The following MIB1 variants were observed in gnomAD, a reference collection of about 807,000 sequenced individuals.
The protein encoded by MIB1 is E3 ubiquitin-protein ligase MIB1.
MIB1 carries 278 observed loss-of-function variants against 124.5 expected under a neutral mutation model. The observed-to-expected ratio is 2.23, with a 90% CI of 2.02 to 2.47. The LOEUF is 2.47. Among genes scored for constraint, MIB1 ranks in the 30% most tolerant of loss-of-function variants. The probability of loss-of-function intolerance (pLI) is 0.00; values close to 1 mark genes in which losing one functional copy is unlikely to be tolerated. For synonymous variants in MIB1, 446 were observed against 429.4 expected (o/e 1.04, Z -0.48); for missense variants, 957 against 1,254.4 (o/e 0.76, Z 3.58).
chr18:21,806,673 TGTA>T (rs2041711212), intron 10 of MIB1, among the ~76,000 whole-genome samples: 1 of 150,034 alleles, frequency 6.7e-6, no homozygotes, highest in Non-Finnish European at 1.5e-5. Context: ...CAGGCTGGAG[TGTA>T]GTAGTAGCGC....
At chr18:21,837,324 C>T (rs2042042681) in intron 12 of MIB1, among the ~76,000 whole-genome samples, 1 of 152,162 alleles carries the variant, frequency 6.6e-6, no homozygotes, top group Non-Finnish European at 1.5e-5. Context: ...CTGGCTAACA[C>T]GGTGAAACCC....
At chr18:21,707,420 C>G (rs1288953556) in intron 1 of MIB1, among the ~76,000 whole-genome samples, 2 of 152,180 alleles carry the variant, frequency 1.3e-5, no homozygotes, top group Non-Finnish European at 2.9e-5. Flanking sequence ...AGCAGGCTGC[C>G]CGAGCCAGCA....
chr18:21,790,061 C>T (rs921406648), intron 6 of MIB1, among the ~76,000 whole-genome samples: 9 of 152,138 alleles, frequency 5.9e-5, no homozygotes, highest in Admixed American at 3.3e-4. Context: ...ATAAAGACAT[C>T]AGCATTCAAA....
chr18:21,820,412 G>T (rs2041868267), intron 12 of MIB1, among the ~76,000 whole-genome samples: 1 of 151,928 alleles, frequency 6.6e-6, no homozygotes, highest in Admixed American at 6.6e-5. Context: ...CTTATTCTTT[G>T]GTTCCTTATT....
chr18:21,814,070 T>A (rs987238815), intron 10 of MIB1, among the ~76,000 whole-genome samples: 5 of 152,216 alleles, frequency 3.3e-5, no homozygotes, highest in Admixed American at 3.3e-4. Flanking sequence ...TTTTCCCCTT[T>A]ATAAAGTACC....
At chr18:21,733,496 A>C (rs527280902) in intron 1 of MIB1, among the ~76,000 whole-genome samples, 1 of 152,002 alleles carries the variant, frequency 6.6e-6, no homozygotes, top group Non-Finnish European at 1.5e-5. Context: ...CCTGGCCCCA[A>C]GCCATTCTCC....
At chr18:21,706,604 C>T (rs1438051483) in intron 1 of MIB1, among the ~76,000 whole-genome samples, 1 of 152,114 alleles carries the variant, frequency 6.6e-6, no homozygotes, top group Non-Finnish European at 1.5e-5. Flanking sequence ...GCGGGCCCTG[C>T]ACTCTGAGCG....
chr18:21,829,626 A>T (rs986018652), intron 12 of MIB1, among the ~76,000 whole-genome samples: 1 of 152,002 alleles, frequency 6.6e-6, no homozygotes, highest in Non-Finnish European at 1.5e-5. Context: ...AAAGATTATG[A>T]ATTTTTGTTA....
intron 1 of MIB1, among the ~76,000 whole-genome samples, chr18:21,710,910 T>A (rs980229527): frequency 6.8e-6 from 1 of 146,360 alleles, no homozygotes; most frequent in African/African-American, 2.6e-5. Flanking sequence ...CACTGCGACC[T>A]CTGGCTACCT....
chr18:21,794,337 A>G (rs2041549050), intron 7 of MIB1, among the ~76,000 whole-genome samples: 1 of 152,176 alleles, frequency 6.6e-6, no homozygotes, highest in Non-Finnish European at 1.5e-5. Context: ...GAGCAAATAA[A>G]TGCAAGAGAT....
chr18:21,843,796 A>G (rs886449715), intron 14 of MIB1, among the ~76,000 whole-genome samples: 2 of 152,360 alleles, frequency 1.3e-5, no homozygotes, highest in African/African-American at 4.8e-5. Context: ...GAAAAGAGAA[A>G]TAAAGTCCTA....
intron 1 of MIB1, among the ~76,000 whole-genome samples, chr18:21,734,420 T>G (rs2040785973): frequency 6.6e-6 from 1 of 152,004 alleles, no homozygotes; most frequent in Non-Finnish European, 1.5e-5. Context: ...TGCTTTGATT[T>G]TAACAGAATT....
chr18:21,838,828 A>G (rs936207654), intron 13 of MIB1, among the ~76,000 whole-genome samples: 8 of 152,192 alleles, frequency 5.3e-5, no homozygotes, highest in Non-Finnish European at 1.2e-4. Context: ...CAACCAGAGC[A>G]CCAAGAACCA....
intron 5 of MIB1, 115 bp from the exon 6 acceptor site, chr18:21,779,366 T>C: frequency 2.5e-6 from 2 of 806,870 alleles, no homozygotes; most frequent in Non-Finnish European, 4.1e-6. Context: ...TCAAGACCTT[T>C]TAAAACTAGA....
intron 1 of MIB1, among the ~76,000 whole-genome samples, chr18:21,761,492 A>AG (rs1312175516): frequency 6.6e-6 from 1 of 152,196 alleles, no homozygotes; most frequent in African/African-American, 2.4e-5. Context: ...TTTAAAATGG[A>AG]GGAGAGGCAT....
chr18:21,856,103 G>T (rs968919349), intron 18 of MIB1, among the ~76,000 whole-genome samples: 2 of 151,300 alleles, frequency 1.3e-5, no homozygotes, highest in African/African-American at 4.8e-5. Context: ...GGTGGCGGGC[G>T]CCTGTAGTCC....
At chr18:21,738,542 T>C (rs1408394346), upstream of MIB1, among the ~76,000 whole-genome samples, 22 of 151,730 alleles carry the variant, frequency 1.4e-4, no homozygotes, top group Non-Finnish European at 1.5e-5. Flanking sequence ...GCACGGTGGC[T>C]CACGCCTGTA....
intron 1 of MIB1, among the ~76,000 whole-genome samples, chr18:21,765,052 T>G (rs1421074183): frequency 6.6e-6 from 1 of 152,222 alleles, no homozygotes; most frequent in East Asian, 1.9e-4. Context: ...CCCCAATTAT[T>G]TCACCTGAAA....
At position 21,795,076 on chromosome 18, in the gene MIB1, C is replaced by T. The variant is rs1002717282; in HGVS notation, c.1093-3008C>T. The stretch of plus-strand genomic sequence containing the variant: ...AATATATAACAATTATATGTTCTAA[C>T]AATGTAAATTTTAGTTGTAAAAAAT... On this transcript the variant is annotated intron_variant, in intron 7 of 20. Coordinates refer to ENST00000261537, the MANE Select transcript of MIB1 (RefSeq NM_020774.4). Among the ~76,000 whole-genome samples, 21 of 150,934 alleles carry T rather than the reference C, an allele frequency of 1.4e-4. 1 individual carries two copies. The highest frequency in any genetic ancestry group is 1.3e-3 in the Admixed American group (19 of 15,080).
Sources: gnomAD v4.1 joint callset for allele counts (sites outside exome capture counted in the v4.1 genomes callset) on GRCh38, gnomAD v4.1.1 for gene constraint, MANE v1.5 for transcripts, NCBI Gene and HGNC (gene_info 2026-07-23, HGNC 2026-07-21) for gene names.